PTPRT: variants seen among roughly 807,000 people sequenced by gnomAD.
PTPRT encodes receptor-type tyrosine-protein phosphatase T.
Under a neutral mutation model 176.8 loss-of-function variants are expected in PTPRT, and 56 were observed. The ratio of observed to expected loss-of-function variants is 0.32; its 90% CI spans 0.26 to 0.40. PTPRT has a LOEUF of 0.40. PTPRT is among the 10% of genes least tolerant of loss of function. The pLI, the probability that PTPRT is intolerant of heterozygous loss-of-function variation, is 1.00. For missense variants in PTPRT, 1,540 were observed against 1,908.2 expected (o/e 0.81, Z 3.60); for synonymous variants, 783 against 739.0 (o/e 1.06, Z -0.96).
intron 7 of PTPRT, among the ~76,000 whole-genome samples, chr20:42,637,212 T>C (rs576650633): frequency 3.5e-4 from 54 of 152,290 alleles, no homozygotes; most frequent in African/African-American, 1.3e-3. Flanking sequence ...CAGGGAACTA[T>C]GCTTTGAGAA....
intron 9 of PTPRT, among the ~76,000 whole-genome samples, chr20:42,416,821 C>T (rs991439839): frequency 1.3e-5 from 2 of 152,014 alleles, no homozygotes; most frequent in African/African-American, 2.4e-5. Flanking sequence ...TTTGACATAA[C>T]GCTAAGTGGA....
intron 11 of PTPRT, among the ~76,000 whole-genome samples, chr20:42,326,178 T>C (rs187963740): frequency 9.8e-5 from 15 of 152,310 alleles, no homozygotes; most frequent in African/African-American, 3.4e-4. Context: ...TGGATCAATA[T>C]GGGGCCAGTT....
chr20:42,041,681 C>T, the PTPRT span, among the ~76,000 whole-genome samples: 2 of 152,196 alleles, frequency 1.3e-5, no homozygotes, highest in Admixed American at 1.3e-4. Flanking sequence ...TCTTTCTGCG[C>T]TCAATGTTCT....
intron 2 of PTPRT, among the ~76,000 whole-genome samples, chr20:42,800,844 C>T (rs1823492358): frequency 6.6e-6 from 1 of 152,086 alleles, no homozygotes; most frequent in Non-Finnish European, 1.5e-5. Flanking sequence ...GCTATTATTG[C>T]CAAGCTTTAA....
intron 1 of PTPRT, among the ~76,000 whole-genome samples, chr20:43,076,892 T>G (rs1480970353): frequency 1.3e-5 from 2 of 152,180 alleles, no homozygotes; most frequent in Non-Finnish European, 2.9e-5. Flanking sequence ...AGGTCTTCTG[T>G]GCATCTCAGC....
chr20:42,962,178 C>A (rs1159670479), intron 1 of PTPRT, among the ~76,000 whole-genome samples: 1 of 152,132 alleles, frequency 6.6e-6, no homozygotes, highest in Non-Finnish European at 1.5e-5. Context: ...GTAGAGAATG[C>A]AAAATTAACT....
chr20:42,987,648 C>T (rs1159085340), intron 1 of PTPRT, among the ~76,000 whole-genome samples: 2 of 151,916 alleles, frequency 1.3e-5, no homozygotes, highest in South Asian at 4.2e-4. Flanking sequence ...GCCCACCCCT[C>T]CCCCACAGTT....
chr20:43,030,716 G>A (rs900164168), intron 1 of PTPRT, among the ~76,000 whole-genome samples: 2 of 152,180 alleles, frequency 1.3e-5, no homozygotes, highest in African/African-American at 4.8e-5. Context: ...CTAAAGCAGG[G>A]GAATGAGGTG....
At chr20:42,397,853 G>C (rs773189662) in intron 9 of PTPRT, among the ~76,000 whole-genome samples, 3 of 152,108 alleles carry the variant, frequency 2.0e-5, no homozygotes, top group Non-Finnish European at 4.4e-5. Context: ...TTGGTTCGTT[G>C]AGAAATCTCC....
rs369308035 is a variant in PTPRT at position 42,207,486 on chromosome 20, G to A, written c.2343-8098C>T. Among the ~76,000 whole-genome samples, 15 of 96,114 alleles carry A rather than the reference G, an allele frequency of 1.6e-4. No homozygotes were observed. The South Asian group carries it at 6.8e-3, about 44-fold the overall frequency. The allele number at this position is 96,114 out of a possible 152,430, so 63.1% of individuals were successfully genotyped here. A position where few individuals can be genotyped will look rare whatever the true frequency, so the allele number is the denominator to read the frequency against. ...CTGAAAACCAAGGCTCGAGAACTAC[G>A]TGAAGAATGCAGAAGCCTCAGGAGC... is the stretch of plus-strand genomic sequence containing the variant. On this transcript the variant is annotated intron_variant, in intron 15 of 30. Coordinates refer to ENST00000373187, the MANE Select transcript of PTPRT (RefSeq NM_007050.6).
intron 15 of PTPRT, among the ~76,000 whole-genome samples, chr20:42,215,756 C>A (rs2055754078): frequency 1.3e-5 from 1 of 77,696 alleles, no homozygotes; most frequent in Non-Finnish European, 3.7e-5. Context: ...ATTTTCCCAC[C>A]CTAGCTAGGA....
At chr20:42,782,735 T>C (rs540937170) in intron 3 of PTPRT, among the ~76,000 whole-genome samples, 3 of 152,188 alleles carry the variant, frequency 2.0e-5, no homozygotes, top group Admixed American at 6.5e-5. Context: ...AAAGACATAA[T>C]AAAGAAATGC....
Position 42,917,554 on chromosome 20 carries a change from G to T in PTPRT, c.89-31622C>A, listed in dbSNP as rs559072327. Among the ~76,000 whole-genome samples, 25 of 152,272 alleles carry T rather than the reference G, an allele frequency of 1.6e-4. 1 individual carries two copies. The South Asian group carries it at 5.0e-3, about 30-fold the overall frequency. On this transcript the variant is annotated intron_variant, in intron 1 of 30. Transcript: ENST00000373187. ...TTGAATCTATAAATTACATTGGGCA[G>T]TATGGCCATTTTCACGATATTGATT...
chr20:42,650,381 C>A (rs2075007722), intron 7 of PTPRT, among the ~76,000 whole-genome samples: 1 of 152,190 alleles, frequency 6.6e-6, no homozygotes, highest in Admixed American at 6.5e-5. Context: ...CAATCTCACA[C>A]ACATACATAT....
chr20:42,637,373 T>G (rs1235666192), intron 7 of PTPRT, among the ~76,000 whole-genome samples: 1 of 152,114 alleles, frequency 6.6e-6, no homozygotes, highest in Non-Finnish European at 1.5e-5. Flanking sequence ...CCTGCCAGTC[T>G]CCTTGTTGCT....
chr20:42,617,623 T>C (rs2074107741), intron 7 of PTPRT, among the ~76,000 whole-genome samples: 1 of 138,210 alleles, frequency 7.2e-6, no homozygotes, highest in Non-Finnish European at 1.5e-5. Flanking sequence ...CAGATCCTGT[T>C]ATTGGTCTAT....
chr20:42,270,709 T>A (rs983159858), intron 13 of PTPRT, among the ~76,000 whole-genome samples: 3 of 152,200 alleles, frequency 2.0e-5, no homozygotes, highest in Non-Finnish European at 4.4e-5. Context: ...GCCTCACATA[T>A]AATGTTTCTA....
chr20:42,347,947 C>T (rs1191365741), intron 11 of PTPRT, among the ~76,000 whole-genome samples: 1 of 152,228 alleles, frequency 6.6e-6, no homozygotes, highest in Non-Finnish European at 1.5e-5. Context: ...CCCTGCCTCA[C>T]TCACAAACAA....
At chr20:42,953,420 C>T (rs1414878187) in intron 1 of PTPRT, among the ~76,000 whole-genome samples, 1 of 152,210 alleles carries the variant, frequency 6.6e-6, no homozygotes, top group African/African-American at 2.4e-5. Flanking sequence ...TCTCCAAGTG[C>T]CCCTGCCATG....
Sources: gnomAD v4.1 joint callset for allele counts (sites outside exome capture counted in the v4.1 genomes callset) on GRCh38, gnomAD v4.1.1 for gene constraint, MANE v1.5 for transcripts, NCBI Gene and HGNC (gene_info 2026-07-23, HGNC 2026-07-21) for gene names.